GALNT13: variants seen among roughly 807,000 people sequenced by gnomAD.
GALNT13 encodes the protein polypeptide N-acetylgalactosaminyltransferase 13.
Under a neutral mutation model 64.2 loss-of-function variants are expected in GALNT13, and 28 were observed. That is an observed-to-expected ratio of 0.44 (90% CI 0.32 to 0.60). GALNT13 has a LOEUF of 0.60. Ranked by LOEUF, GALNT13 falls within the 20% of genes least tolerant of loss-of-function variation. The probability of loss-of-function intolerance (pLI) is 0.05; values close to 1 mark genes in which losing one functional copy is unlikely to be tolerated. For synonymous variants in GALNT13, 214 were observed against 224.6 expected, an observed-to-expected ratio of 0.95 and a Z score of 0.42; for missense variants, 577 against 669.8, an observed-to-expected ratio of 0.86 and a Z score of 1.53.
chr2:154,171,672 G>A (rs540723099), intron 4 of GALNT13, among the ~76,000 whole-genome samples: 140 of 152,202 alleles, frequency 9.2e-4, no homozygotes, highest in African/African-American at 3.3e-3. Flanking sequence ...TCCTGGATGT[G>A]TTATTAAGAC....
chr2:153,963,844 G>A (rs1183499795), intron 3 of GALNT13, among the ~76,000 whole-genome samples: 1 of 150,864 alleles, frequency 6.6e-6, no homozygotes, highest in East Asian at 2.0e-4. Context: ...AAATTGGATT[G>A]CCTGTGGCTT....
chr2:153,917,286 A>G (rs1049365640), intron 2 of GALNT13, among the ~76,000 whole-genome samples: 3 of 152,172 alleles, frequency 2.0e-5, no homozygotes, highest in Admixed American at 6.5e-5. Flanking sequence ...AATATTAAAT[A>G]TATGGATTGA....
intron 3 of GALNT13, among the ~76,000 whole-genome samples, chr2:154,059,082 A>G (rs1298417591): frequency 6.6e-6 from 1 of 152,232 alleles, no homozygotes; most frequent in African/African-American, 2.4e-5. Flanking sequence ...GATTTGAGGT[A>G]TGAGACAAAT....
chr2:153,546,268 T>C, the GALNT13 span, among the ~76,000 whole-genome samples: 1 of 152,172 alleles, frequency 6.6e-6, no homozygotes, highest in Non-Finnish European at 1.5e-5. Flanking sequence ...ATGGAAAACA[T>C]TAAAACGCTG....
At chr2:153,586,747 C>T in the GALNT13 span, among the ~76,000 whole-genome samples, 17 of 151,636 alleles carry the variant, frequency 1.1e-4, no homozygotes, top group Admixed American at 7.9e-4. Flanking sequence ...CTCATCAGTG[C>T]ATGAAATATT....
intron 3 of GALNT13, among the ~76,000 whole-genome samples, chr2:153,981,698 G>A (rs896746760): frequency 1.1e-4 from 16 of 151,942 alleles, no homozygotes; most frequent in African/African-American, 3.6e-4. Context: ...ATAGGCAAAA[G>A]TTGCTTAAAT....
At chr2:153,540,269 TG>T in the GALNT13 span, among the ~76,000 whole-genome samples, 1 of 152,172 alleles carries the variant, frequency 6.6e-6, no homozygotes, top group Non-Finnish European at 1.5e-5. Flanking sequence ...TCCCAAGCCT[TG>T]GCAGCTTCCA....
At chr2:153,120,831 G>A in the GALNT13 span, among the ~76,000 whole-genome samples, 1 of 152,138 alleles carries the variant, frequency 6.6e-6, no homozygotes, top group African/African-American at 2.4e-5. Context: ...CTCACAGCTG[G>A]AGGGGCCAGA....
At chr2:153,257,174 G>C in the GALNT13 span, among the ~76,000 whole-genome samples, 1 of 152,182 alleles carries the variant, frequency 6.6e-6, no homozygotes, top group African/African-American at 2.4e-5. Flanking sequence ...TTTTAAGCCC[G>C]TCGGAAAAGC....
chr2:153,346,174 G>A, the GALNT13 span, among the ~76,000 whole-genome samples: 1 of 151,994 alleles, frequency 6.6e-6, no homozygotes, highest in African/African-American at 2.4e-5. Context: ...ATTTGCTCTC[G>A]CAGCCTCCCA....
chr2:154,294,345 G>T (rs1170381909), intron 8 of GALNT13, among the ~76,000 whole-genome samples: 2 of 152,172 alleles, frequency 1.3e-5, no homozygotes, highest in African/African-American at 4.8e-5. Flanking sequence ...TTACATGTCA[G>T]GAGAATAACA....
intron 8 of GALNT13, among the ~76,000 whole-genome samples, chr2:154,296,311 GT>G (rs1352969048): frequency 6.6e-6 from 1 of 152,156 alleles, no homozygotes; most frequent in African/African-American, 2.4e-5. Flanking sequence ...CTAGGGTCAT[GT>G]AGCTCTCTGA....
chr2:153,468,308 G>A, the GALNT13 span, among the ~76,000 whole-genome samples: 6 of 151,952 alleles, frequency 3.9e-5, no homozygotes, highest in East Asian at 1.2e-3. Context: ...CCTTTGAATG[G>A]CTCTTTATCT....
chr2:154,362,881 A>G (rs1201285320), intron 9 of GALNT13, among the ~76,000 whole-genome samples: 1 of 152,130 alleles, frequency 6.6e-6, no homozygotes, highest in Non-Finnish European at 1.5e-5. Context: ...AACCTTTCAA[A>G]CCCTTTAAAG....
the GALNT13 span, among the ~76,000 whole-genome samples, chr2:153,160,804 C>A: frequency 7.5e-4 from 114 of 152,214 alleles, no homozygotes; most frequent in African/African-American, 2.7e-3. Context: ...TCCTTGGAAA[C>A]TCATAGTTCT....
At chr2:153,844,366 A>AC in the GALNT13 span, among the ~76,000 whole-genome samples, 1 of 152,020 alleles carries the variant, frequency 6.6e-6, no homozygotes. Context: ...CTGTACCTAG[A>AC]CCCCTTTAAG....
the GALNT13 span, among the ~76,000 whole-genome samples, chr2:153,103,729 A>ATGTAAGCT: frequency 2.6e-5 from 4 of 152,200 alleles, no homozygotes; most frequent in African/African-American, 9.6e-5. Flanking sequence ...CTACACTAAA[A>ATGTAAGCT]TGTAAGCTCC....
At chr2:154,456,148 GT>G (rs5835521), downstream of GALNT13, among the ~76,000 whole-genome samples, 50,864 of 144,872 alleles carry the variant, frequency 0.35, 8,903 homozygotes, top group East Asian at 0.65. Context: ...GTCTTTTTTT[GT>G]TTTTTTTTTT....
chr2:154,123,736 TAAAA>T (rs1281794396), intron 3 of GALNT13, among the ~76,000 whole-genome samples: 1 of 151,898 alleles, frequency 6.6e-6, no homozygotes, highest in Non-Finnish European at 1.5e-5. Context: ...AGATGACTCT[TAAAA>T]AACACTATGC....
Sources: gnomAD v4.1 joint callset for allele counts (sites outside exome capture counted in the v4.1 genomes callset) on GRCh38, gnomAD v4.1.1 for gene constraint, MANE v1.5 for transcripts, NCBI Gene and HGNC (gene_info 2026-07-23, HGNC 2026-07-21) for gene names.